Variants in TIPRL observed in about 807,000 individuals in gnomAD.
TIPRL encodes the protein TOR signaling pathway regulator.
Under a neutral mutation model 32.3 loss-of-function variants are expected in TIPRL, and 10 were observed. The ratio of observed to expected loss-of-function variants is 0.31; its 90% CI spans 0.19 to 0.52. TIPRL has a LOEUF of 0.52. Among genes scored for constraint, TIPRL ranks in the 20% least tolerant of loss-of-function variants. TIPRL has a pLI of 0.96. For synonymous variants in TIPRL, 100 were observed against 114.0 expected (o/e 0.88, Z 0.78); for missense variants, 250 against 328.1 (o/e 0.76, Z 1.84).
In TIPRL at chr1:168,184,809, T is replaced by G. The variant is rs759942366; in HGVS notation, c.315T>G (p.Ile105Met). Reference sequence around the variant, plus strand: ...AGGGTGAACACTCCAAAGAGGTTATTAAACCATATGATTGGACCTATACAA... The same window carrying G: ...AGGGTGAACACTCCAAAGAGGTTATGAAACCATATGATTGGACCTATACAA... ...RTEGEHSKEV[I>M]KPYDWTYTTD... Residue 105 changes from isoleucine to methionine, a missense_variant, in exon 3 of 7, where the codon ATT (isoleucine) becomes ATG (methionine). By Grantham distance (10) the Ile-to-Met change is conservative. Coordinates refer to ENST00000367833, the MANE Select transcript of TIPRL (RefSeq NM_152902.5). 17 of 1,612,620 alleles carry G rather than the reference T, an allele frequency of 1.1e-5. No homozygotes were observed.
At position 168,179,024 on chromosome 1, in the gene TIPRL, C is replaced by T. The variant is rs971498368; in HGVS notation, c.-54C>T. The T allele has an allele frequency of 6.6e-7, 1 of 1,521,570 alleles. No individual in the cohort carries two copies. 94.3% of individuals were successfully genotyped at this position (1,521,570 alleles called of 1,614,324 possible). A position where few individuals can be genotyped will look rare whatever the true frequency, so the allele number is the denominator to read the frequency against. ...GGGAGGCGGAGGAACCGGTGTTCGC[C>T]GCCGCCGCTGCTTCAGCTTATTCCT... On this transcript the variant is annotated 5_prime_UTR_variant, in exon 1 of 7. Coordinates refer to ENST00000367833, the MANE Select transcript of TIPRL (RefSeq NM_152902.5).
intron 4 of TIPRL, 60 bp from the exon 5 acceptor site, chr1:168,196,486 CA>C (rs1700154288): frequency 8.2e-7 from 1 of 1,217,344 alleles, no homozygotes; most frequent in Non-Finnish European, 1.1e-6. Context: ...TTTCTTTCAG[CA>C]AAGTAATAAA....
At chr1:168,179,236 G>A in intron 1 of TIPRL, 55 bp downstream of exon 1, 1 of 1,528,938 alleles carries the variant, frequency 6.5e-7, no homozygotes, top group Non-Finnish European at 9.0e-7. Flanking sequence ...CCCAGGGCGG[G>A]AGGCAGGGCG....
At chr1:168,190,555 A>G (rs930144323) in intron 3 of TIPRL, among the ~76,000 whole-genome samples, 4 of 152,114 alleles carry the variant, frequency 2.6e-5, no homozygotes, top group African/African-American at 7.2e-5. Context: ...GTAAAGCTAC[A>G]TTTACTAAAT....
intron 4 of TIPRL, chr1:168,192,128 G>A (rs1572434803): frequency 2.2e-6 from 3 of 1,335,914 alleles, no homozygotes; most frequent in East Asian, 6.4e-5. Context: ...ATCTGCAGAC[G>A]GCAAGGTGGA....
chr1:168,191,116 C>G (rs1291219259), intron 3 of TIPRL, among the ~76,000 whole-genome samples: 1 of 152,136 alleles, frequency 6.6e-6, no homozygotes, highest in Non-Finnish European at 1.5e-5. Context: ...ATATGACTTG[C>G]ATGAAAAATG....
rs1197630421 is a variant in TIPRL at position 168,179,278 on chromosome 1, G to C, written c.104+97G>C. Reference sequence around the variant, plus strand: ...GTGCAGCCCCTCCCCTTTTCCCTGAGGCGGAGGTTCGGTCCCTCCGGACCG... The same window carrying C: ...GTGCAGCCCCTCCCCTTTTCCCTGACGCGGAGGTTCGGTCCCTCCGGACCG... On this transcript the variant is annotated intron_variant, in intron 1 of 6. Transcript: ENST00000367833. The C allele has an allele frequency of 3.6e-6, 4 of 1,099,420 alleles. No individual in the cohort carries two copies. The East Asian group carries it at 1.0e-4, about 28-fold the overall frequency. The allele number at this position is 1,099,420 out of a possible 1,614,324, so 68.1% of individuals were successfully genotyped here.
chr1:168,195,739 A>G (rs1321003327), intron 4 of TIPRL, among the ~76,000 whole-genome samples: 2 of 151,682 alleles, frequency 1.3e-5, no homozygotes, highest in Non-Finnish European at 2.9e-5. Flanking sequence ...TGCTTTGCTA[A>G]TTTTTTGTAT....
intron 4 of TIPRL, chr1:168,192,245 G>A (rs895233503): frequency 8.6e-5 from 122 of 1,424,144 alleles, no homozygotes; most frequent in Admixed American, 1.7e-4. Flanking sequence ...CTACTCGGGA[G>A]GCTGAGGCAG....
At position 168,201,643 on chromosome 1, in the gene TIPRL, T is replaced by C. The variant is rs1460295718; in HGVS notation, c.*1597T>C. ...ACACACACACACACACACACACATGTTGTGTTCAGCTTTCTGTTTTATATT... is the reference window on the plus strand; with the variant it reads ...ACACACACACACACACACACACATGCTGTGTTCAGCTTTCTGTTTTATATT... On this transcript the variant is annotated 3_prime_UTR_variant, in exon 7 of 7. Coordinates refer to ENST00000367833, the MANE Select transcript of TIPRL (RefSeq NM_152902.5). 6.7e-6 allele frequency: 1 copy of C among 150,052 alleles called. No homozygotes were observed. Among genetic ancestry groups the C allele is most frequent in the Non-Finnish European group, 1.5e-5 (1 of 67,080 alleles). The allele number at this position is 150,052 out of a possible 1,614,324, so 9.3% of individuals were successfully genotyped here.
chr1:168,181,069 G>A (rs1381751974), intron 1 of TIPRL, among the ~76,000 whole-genome samples: 3 of 151,656 alleles, frequency 2.0e-5, no homozygotes, highest in Admixed American at 6.5e-5. Flanking sequence ...TGCAGCCTCC[G>A]CCTTCCAGGT....
chr1:168,194,014 T>C (rs960335385), intron 4 of TIPRL, among the ~76,000 whole-genome samples: 2 of 152,312 alleles, frequency 1.3e-5, no homozygotes, highest in African/African-American at 2.4e-5. Context: ...AATCAGTGAC[T>C]CTTAACACAA....
In TIPRL at chr1:168,201,433, A is replaced by G. The variant is rs1357317336; in HGVS notation, c.*1387A>G. Reference sequence around the variant, plus strand: ...CGTCATTGCTCAAACTCTATAGTGTATTGCTGGAGCCAATAGGCAGGGTAT... The same window carrying G: ...CGTCATTGCTCAAACTCTATAGTGTGTTGCTGGAGCCAATAGGCAGGGTAT... On this transcript the variant is annotated 3_prime_UTR_variant, in exon 7 of 7. Coordinates refer to ENST00000367833, the MANE Select transcript of TIPRL (RefSeq NM_152902.5). The G allele has an allele frequency of 6.6e-6, 1 of 152,026 alleles. No homozygotes were observed. The highest frequency in any genetic ancestry group is 6.6e-5 in the Admixed American group (1 of 15,252). The allele number at this position is 152,026 out of a possible 1,614,324, so 9.4% of individuals were successfully genotyped here.
At chr1:168,197,620 A>G (rs1205531428) in intron 5 of TIPRL, among the ~76,000 whole-genome samples, 1 of 152,058 alleles carries the variant, frequency 6.6e-6, no homozygotes, top group Non-Finnish European at 1.5e-5. Context: ...CCTGAGTTCA[A>G]GCAATTCTCA....
At chr1:168,191,741 G>A (rs1033698169) in intron 4 of TIPRL, among the ~76,000 whole-genome samples, 16 of 151,492 alleles carry the variant, frequency 1.1e-4, no homozygotes, top group African/African-American at 2.9e-4. Context: ...GCATGGTGGC[G>A]GGCGCCTGTA....
intron 3 of TIPRL, among the ~76,000 whole-genome samples, chr1:168,190,573 G>A (rs115959320): frequency 0.041 from 6,146 of 151,084 alleles, 128 homozygotes; most frequent in Middle Eastern, 0.073. Flanking sequence ...AATATCTATG[G>A]TTTGACAAGC....
At chr1:168,184,194 T>C (rs1700001405) in intron 2 of TIPRL, 113 bp downstream of exon 2, 1 of 989,026 alleles carries the variant, frequency 1.0e-6, no homozygotes, top group African/African-American at 1.6e-5. Flanking sequence ...AATGAAGGGC[T>C]GGTATTATTA....
At chr1:168,189,837 CTT>C (rs1391188438) in intron 3 of TIPRL, among the ~76,000 whole-genome samples, 1 of 152,124 alleles carries the variant, frequency 6.6e-6, no homozygotes, top group African/African-American at 2.4e-5. Flanking sequence ...TGTTTTTTGA[CTT>C]TGTCTTTCAT....
rs1348679535 is a variant in TIPRL at position 168,178,965 on chromosome 1, G to C, written c.-113G>C. 7 of 922,328 alleles carry C rather than the reference G, an allele frequency of 7.6e-6. No homozygotes were observed. The highest frequency in any genetic ancestry group is 5.1e-5 in the African/African-American group (3 of 59,130). 57.1% of individuals were successfully genotyped at this position (922,328 alleles called of 1,614,324 possible). On this transcript the variant is annotated 5_prime_UTR_variant, in exon 1 of 7. Coordinates refer to ENST00000367833, the MANE Select transcript of TIPRL (RefSeq NM_152902.5). ...CCGGCAGGGGGCGGGGCCGGGCATG[G>C]TAACGGCTCGGAAGCCTAGGAGGCT... is the stretch of plus-strand genomic sequence containing the variant.
Sources: gnomAD v4.1 joint callset for allele counts (sites outside exome capture counted in the v4.1 genomes callset) on GRCh38, gnomAD v4.1.1 for gene constraint, MANE v1.5 for transcripts, NCBI Gene and HGNC (gene_info 2026-07-23, HGNC 2026-07-21) for gene names.